Variants in MCTP1 observed in about 807,000 individuals in gnomAD.
MCTP1 encodes the protein multiple C2 and transmembrane domain-containing protein 1.
MCTP1 carries 69 observed loss-of-function variants against 120.6 expected under a neutral mutation model. The ratio of observed to expected loss-of-function variants is 0.57; its 90% CI spans 0.47 to 0.70. MCTP1 has a LOEUF of 0.70. Ranked by LOEUF, MCTP1 falls within the 30% of genes least tolerant of loss-of-function variation. MCTP1 has a pLI of 0.00. For missense variants in MCTP1, 1,203 were observed against 1,248.8 expected, an observed-to-expected ratio of 0.96 and a Z score of 0.55; for synonymous variants, 529 against 493.1, an observed-to-expected ratio of 1.07 and a Z score of -0.96.
intron 18 of MCTP1, among the ~76,000 whole-genome samples, chr5:94,790,999 G>A (rs1462408542): frequency 6.6e-6 from 1 of 151,616 alleles, no homozygotes; most frequent in African/African-American, 2.4e-5. Context: ...CGGGCCAGGC[G>A]CGGTGCCTCG....
chr5:95,261,152 T>C (rs1335087990), intron 1 of MCTP1, among the ~76,000 whole-genome samples: 1 of 152,198 alleles, frequency 6.6e-6, no homozygotes, highest in East Asian at 1.9e-4. Flanking sequence ...ATCCATTCAA[T>C]AAATATCTGA....
chr5:95,190,573 C>A (rs1440393718), intron 1 of MCTP1, among the ~76,000 whole-genome samples: 1 of 151,934 alleles, frequency 6.6e-6, no homozygotes, highest in East Asian at 1.9e-4. Flanking sequence ...CAATCTGGAA[C>A]CCAGGAAAGA....
intron 21 of MCTP1, chr5:94,709,799 T>C (rs1318184913): frequency 2.0e-5 from 3 of 152,056 alleles, no homozygotes; most frequent in Non-Finnish European, 4.4e-5. Context: ...AGGGTAATTA[T>C]AGTGATAATA....
chr5:94,901,632 T>C (rs1004171639), intron 10 of MCTP1, among the ~76,000 whole-genome samples: 2 of 152,082 alleles, frequency 1.3e-5, no homozygotes, highest in South Asian at 2.1e-4. Context: ...AAAAACTATA[T>C]ACATTTGAAC....
intron 17 of MCTP1, among the ~76,000 whole-genome samples, chr5:94,844,492 A>G (rs1417082164): frequency 2.0e-5 from 3 of 152,058 alleles, no homozygotes; most frequent in Non-Finnish European, 4.4e-5. Flanking sequence ...TCATTTTATT[A>G]ATTTACTTCT....
Position 94,873,103 on chromosome 5 carries a change from A to G in MCTP1, c.2036+36T>C, listed in dbSNP as rs2277011. 16 of 1,182,620 alleles carry G rather than the reference A, an allele frequency of 1.4e-5. No individual in the cohort carries two copies. In the East Asian group the frequency reaches 3.5e-4, roughly 26 times the overall value. 73.3% of individuals were successfully genotyped at this position (1,182,620 alleles called of 1,614,324 possible). On this transcript the variant is annotated intron_variant, in intron 13 of 22. Coordinates refer to ENST00000515393, the MANE Select transcript of MCTP1 (RefSeq NM_024717.7). ...TCAAAAATAAATCAAATTTAACACA[A>G]TTTTGGATTCAGAGCCCAAAGAAAT... is the stretch of plus-strand genomic sequence containing the variant.
intron 1 of MCTP1, among the ~76,000 whole-genome samples, chr5:95,211,440 G>A (rs986162692): frequency 6.6e-6 from 1 of 151,922 alleles, no homozygotes; most frequent in African/African-American, 2.4e-5. Flanking sequence ...TTCCATCACT[G>A]ATACCCTTTC....
chr5:94,998,058 T>C (rs761799219), intron 2 of MCTP1, among the ~76,000 whole-genome samples: 1 of 152,178 alleles, frequency 6.6e-6, no homozygotes, highest in Non-Finnish European at 1.5e-5. Flanking sequence ...AAATTTTATT[T>C]GCTTTTTGCA....
intron 1 of MCTP1, among the ~76,000 whole-genome samples, chr5:95,209,977 C>T (rs551826720): frequency 3.9e-4 from 59 of 152,194 alleles, no homozygotes; most frequent in Admixed American, 2.7e-3. Flanking sequence ...TGTAGTTGAG[C>T]GGTTTTGAGT....
intron 1 of MCTP1, among the ~76,000 whole-genome samples, chr5:95,039,895 A>G (rs1398322589): frequency 6.6e-6 from 1 of 151,132 alleles, no homozygotes; most frequent in African/African-American, 2.4e-5. Flanking sequence ...AAAAAAAAAA[A>G]AAAAAAAGAA....
chr5:94,844,549 C>A (rs1791886689), intron 17 of MCTP1, among the ~76,000 whole-genome samples: 1 of 152,032 alleles, frequency 6.6e-6, no homozygotes, highest in African/African-American at 2.4e-5. Flanking sequence ...TGTGAGTGCT[C>A]CTTTAAGAGC....
intron 17 of MCTP1, among the ~76,000 whole-genome samples, chr5:94,832,002 T>C (rs1788617409): frequency 6.6e-6 from 1 of 152,202 alleles, no homozygotes; most frequent in Admixed American, 6.5e-5. Context: ...TACGGAATCC[T>C]TTACTGATCA....
intron 1 of MCTP1, among the ~76,000 whole-genome samples, chr5:95,078,298 A>G (rs576713038): frequency 2.0e-5 from 3 of 152,336 alleles, no homozygotes; most frequent in Admixed American, 6.5e-5. Flanking sequence ...ATCTTCTATC[A>G]AAACACAAAA....
At chr5:95,056,957 G>T (rs1037113897) in intron 1 of MCTP1, among the ~76,000 whole-genome samples, 1 of 152,000 alleles carries the variant, frequency 6.6e-6, no homozygotes, top group Admixed American at 6.6e-5. Context: ...AGAGAAATAT[G>T]TAGTATGATT....
intron 1 of MCTP1, among the ~76,000 whole-genome samples, chr5:95,174,175 T>C (rs143253570): frequency 1.3e-5 from 2 of 152,166 alleles, no homozygotes; most frequent in Non-Finnish European, 2.9e-5. Flanking sequence ...AATAAATGCA[T>C]GCTCCAAAGA....
chr5:95,029,093 T>C (rs989944899), intron 1 of MCTP1, among the ~76,000 whole-genome samples: 4 of 151,348 alleles, frequency 2.6e-5, no homozygotes, highest in Admixed American at 6.6e-5. Context: ...GAGGCCGAGG[T>C]TGTAGGGAGC....
At chr5:94,715,495 A>G (rs1366229856) in intron 19 of MCTP1, among the ~76,000 whole-genome samples, 1 of 152,024 alleles carries the variant, frequency 6.6e-6, no homozygotes, top group Non-Finnish European at 1.5e-5. Context: ...TATATTTTAT[A>G]CGGTAGTATA....
intron 1 of MCTP1, among the ~76,000 whole-genome samples, chr5:95,027,347 G>A (rs1043071065): frequency 3.3e-5 from 5 of 152,158 alleles, no homozygotes; most frequent in African/African-American, 1.2e-4. Context: ...CTAAACTAAG[G>A]GCAGACAGTG....
intron 1 of MCTP1, among the ~76,000 whole-genome samples, chr5:95,141,490 T>G (rs1482888431): frequency 6.6e-6 from 1 of 152,222 alleles, no homozygotes; most frequent in Non-Finnish European, 1.5e-5. Flanking sequence ...AGGTCACTGT[T>G]GTATGTGTGC....
Sources: gnomAD v4.1 joint callset for allele counts (sites outside exome capture counted in the v4.1 genomes callset) on GRCh38, gnomAD v4.1.1 for gene constraint, MANE v1.5 for transcripts, NCBI Gene and HGNC (gene_info 2026-07-23, HGNC 2026-07-21) for gene names.